The following ASTN2 variants were observed in gnomAD, a reference collection of about 807,000 sequenced individuals.
The protein encoded by ASTN2 is astrotactin 2.
In ASTN2, 54 loss-of-function variants were observed where a neutral mutation model predicts 139.8. The ratio of observed to expected loss-of-function variants is 0.39; its 90% CI spans 0.31 to 0.48. The LOEUF (loss-of-function observed/expected upper bound fraction) is 0.48, where lower values mean the gene tolerates loss of function less well. Among genes scored for constraint, ASTN2 ranks in the 20% least tolerant of loss-of-function variants. ASTN2 has a pLI of 0.95. For missense variants in ASTN2, 1,565 were observed against 1,725.1 expected, an observed-to-expected ratio of 0.91 and a Z score of 1.64; for synonymous variants, 756 against 719.5, an observed-to-expected ratio of 1.05 and a Z score of -0.81.
chr9:117,281,418 G>GGAGGGAGAAAGGTGGATTAATTGAAGGGA (rs1834321515), intron 2 of ASTN2, among the ~76,000 whole-genome samples: 3 of 152,196 alleles, frequency 2.0e-5, no homozygotes, highest in Non-Finnish European at 4.4e-5. Context: ...AGACTGGGAA[G>GGAGGGAGAAAGGTGGATTAATTGAAGGGA]GAGGGAGAAA....
chr9:116,566,630 C>T (rs1443207661), intron 19 of ASTN2, among the ~76,000 whole-genome samples: 1 of 152,146 alleles, frequency 6.6e-6, no homozygotes, highest in Non-Finnish European at 1.5e-5. Flanking sequence ...TGCGGAAATC[C>T]AATGGCAGGG....
chr9:116,433,988 A>T (rs7024559), intron 22 of ASTN2, among the ~76,000 whole-genome samples: 1 of 152,118 alleles, frequency 6.6e-6, no homozygotes, highest in Non-Finnish European at 1.5e-5. Flanking sequence ...AACTTCAAGA[A>T]AATAACTAAC....
chr9:117,267,744 T>G (rs1285506286), intron 2 of ASTN2, among the ~76,000 whole-genome samples: 2 of 152,236 alleles, frequency 1.3e-5, no homozygotes, highest in Admixed American at 6.5e-5. Flanking sequence ...ACTTTGTTGA[T>G]ACCTTTGCCT....
intron 3 of ASTN2, among the ~76,000 whole-genome samples, chr9:117,204,483 G>C (rs1424821225): frequency 1.3e-5 from 2 of 151,996 alleles, no homozygotes; most frequent in African/African-American, 4.8e-5. Flanking sequence ...AAAGGACACT[G>C]TACTCTCTCT....
chr9:117,305,953 G>T (rs1179559047), intron 1 of ASTN2, among the ~76,000 whole-genome samples: 1 of 152,158 alleles, frequency 6.6e-6, no homozygotes, highest in African/African-American at 2.4e-5. Context: ...CAAATAAATT[G>T]CTTTTACTCC....
intron 16 of ASTN2, among the ~76,000 whole-genome samples, chr9:116,667,376 T>C (rs1858931439): frequency 6.6e-6 from 1 of 152,222 alleles, no homozygotes; most frequent in Non-Finnish European, 1.5e-5. Flanking sequence ...ACTATCTGTT[T>C]GCAATATACA....
intron 16 of ASTN2, among the ~76,000 whole-genome samples, chr9:116,681,136 G>A (rs1325513618): frequency 6.6e-6 from 1 of 152,180 alleles, no homozygotes; most frequent in Non-Finnish European, 1.5e-5. Flanking sequence ...CATTGTCTCA[G>A]CCCAAAATCT....
At chr9:116,999,548 C>CCT (rs1837128594) in intron 7 of ASTN2, among the ~76,000 whole-genome samples, 4 of 94,920 alleles carry the variant, frequency 4.2e-5, no homozygotes, top group African/African-American at 2.0e-4. Context: ...TTCTCTCTTT[C>CCT]TTTTTTTTTT....
chr9:117,206,539 C>T (rs1404758172), intron 3 of ASTN2, among the ~76,000 whole-genome samples: 1 of 152,146 alleles, frequency 6.6e-6, no homozygotes, highest in Non-Finnish European at 1.5e-5. Context: ...ATGAGTGTGC[C>T]CTGCTTTGGG....
At chr9:117,300,043 A>G (rs564969312) in intron 1 of ASTN2, among the ~76,000 whole-genome samples, 1 of 152,324 alleles carries the variant, frequency 6.6e-6, no homozygotes, top group South Asian at 2.1e-4. Context: ...ATACATAGCA[A>G]CATGCTTGGA....
At chr9:116,975,158 TC>T in intron 10 of ASTN2, 49 bp downstream of exon 10, 1 of 1,489,682 alleles carries the variant, frequency 6.7e-7, no homozygotes. Context: ...CAGGGGGACT[TC>T]CAAGGTTTTA....
intron 3 of ASTN2, among the ~76,000 whole-genome samples, chr9:117,198,199 G>A (rs1270274025): frequency 6.6e-6 from 1 of 151,734 alleles, no homozygotes; most frequent in Non-Finnish European, 1.5e-5. Context: ...CCTCCAACAG[G>A]CCCTGGTGTG....
At chr9:117,141,845 G>T (rs1292424774) in intron 3 of ASTN2, among the ~76,000 whole-genome samples, 2 of 152,090 alleles carry the variant, frequency 1.3e-5, no homozygotes, top group African/African-American at 4.8e-5. Flanking sequence ...CAATATTTTT[G>T]CAATAGAAGA....
At chr9:116,442,750 T>C (rs1453471986) in intron 20 of ASTN2, among the ~76,000 whole-genome samples, 197 bp from the exon 21 acceptor site, 1 of 152,222 alleles carries the variant, frequency 6.6e-6, no homozygotes, top group Non-Finnish European at 1.5e-5. Context: ...GAGGGATTTA[T>C]TGTCACCCAC....
chr9:116,595,848 C>T (rs549466484), intron 19 of ASTN2, among the ~76,000 whole-genome samples: 2 of 152,240 alleles, frequency 1.3e-5, no homozygotes, highest in South Asian at 2.1e-4. Flanking sequence ...AAAGGCGAAG[C>T]CACTATGAAA....
At chr9:116,822,287 G>A (rs1181872722) in intron 11 of ASTN2, among the ~76,000 whole-genome samples, 12 of 152,140 alleles carry the variant, frequency 7.9e-5, no homozygotes, top group African/African-American at 2.4e-4. Flanking sequence ...AGACATTTGA[G>A]ACTGGCGCCA....
intron 2 of ASTN2, among the ~76,000 whole-genome samples, chr9:117,259,294 G>A (rs1046132607): frequency 3.9e-5 from 6 of 152,134 alleles, no homozygotes; most frequent in African/African-American, 1.4e-4. Flanking sequence ...TACAACCAAT[G>A]TATAAGCCAA....
chr9:116,776,102 A>G (rs1160471167), intron 13 of ASTN2, among the ~76,000 whole-genome samples: 1 of 152,174 alleles, frequency 6.6e-6, no homozygotes, highest in Non-Finnish European at 1.5e-5. Context: ...GCTTGCATCT[A>G]TACATGTATA....
chr9:117,160,726 G>C (rs1830531250), intron 3 of ASTN2, among the ~76,000 whole-genome samples: 1 of 151,966 alleles, frequency 6.6e-6, no homozygotes, highest in African/African-American at 2.4e-5. Flanking sequence ...TTCTTAATAA[G>C]TGAAATGCAA....
Sources: gnomAD v4.1 joint callset for allele counts (sites outside exome capture counted in the v4.1 genomes callset) on GRCh38, gnomAD v4.1.1 for gene constraint, MANE v1.5 for transcripts, NCBI Gene and HGNC (gene_info 2026-07-23, HGNC 2026-07-21) for gene names.